ANGPTL2: variants seen among roughly 807,000 people sequenced by gnomAD.
ANGPTL2 encodes the protein angiopoietin-related protein 2.
In ANGPTL2, 25 loss-of-function variants were observed where a neutral mutation model predicts 52.8. The observed-to-expected ratio is 0.47, with a 90% confidence interval of 0.35 to 0.66. The LOEUF is 0.66. Ranked by LOEUF, ANGPTL2 falls within the 30% of genes least tolerant of loss-of-function variation. The pLI is 0.01. For missense variants in ANGPTL2, 546 were observed against 656.9 expected (o/e 0.83, Z 1.84); for synonymous variants, 276 against 277.4 (o/e 1.00, Z 0.05).
chr9:127,107,894 C>T, intron 2 of ANGPTL2, 21 bp downstream of exon 2: 3 of 1,517,328 alleles, frequency 2.0e-6, no homozygotes, highest in Non-Finnish European at 2.7e-6. Context: ...CCACATGTAA[C>T]ACGATCCCAG....
At chr9:127,112,296 G>A (rs1305156094) in intron 1 of ANGPTL2, among the ~76,000 whole-genome samples, 1 of 152,214 alleles carries the variant, frequency 6.6e-6, no homozygotes, top group Admixed American at 6.5e-5. Flanking sequence ...GGCTGCCCCT[G>A]TGCTAGTGGT....
At chr9:127,120,689 G>A (rs531195910) in intron 1 of ANGPTL2, among the ~76,000 whole-genome samples, 8 of 152,258 alleles carry the variant, frequency 5.3e-5, no homozygotes, top group South Asian at 4.2e-4. Context: ...TTAGCTGGGC[G>A]TGGTGGTGGG....
chr9:127,088,866 C>T lies in ANGPTL2; in HGVS notation c.*73G>A. The T allele has an allele frequency of 2.5e-6, 4 of 1,573,070 alleles. No individual in the cohort carries two copies. Among genetic ancestry groups the T allele is most frequent in the Non-Finnish European group, 3.5e-6 (4 of 1,145,210 alleles). ...CAGGATGAACTGGTGAGGAGTTGTT[C>T]TTTGTGCTGTGGCCAGCGTGACCAG... is the stretch of plus-strand genomic sequence containing the variant. On this transcript the variant is annotated 3_prime_UTR_variant, in exon 5 of 5. Coordinates refer to ENST00000373425, the MANE Select transcript of ANGPTL2 (RefSeq NM_012098.3).
chr9:127,088,721 T>A lies in ANGPTL2; in HGVS notation c.*218A>T. 1.7e-6 allele frequency: 1 copy of A among 597,462 alleles called. No individual in the cohort carries two copies. Among genetic ancestry groups the A allele is most frequent in the Non-Finnish European group, 3.0e-6 (1 of 335,544 alleles). The allele number at this position is 597,462 out of a possible 1,614,324, so 37.0% of individuals were successfully genotyped here. On this transcript the variant is annotated 3_prime_UTR_variant, in exon 5 of 5. Transcript: ENST00000373425. ...GTAGTCCTGTCCTGTCCTGGAGACATGAGGGGCTGTCTGGTGTGAAGGAAA... is the reference window on the plus strand; with the variant it reads ...GTAGTCCTGTCCTGTCCTGGAGACAAGAGGGGCTGTCTGGTGTGAAGGAAA...
Position 127,108,733 on chromosome 9 carries a change from G to T in ANGPTL2, c.-2C>A. 1 of 1,596,858 alleles carries T rather than the reference G, an allele frequency of 6.3e-7. No homozygotes were observed. The highest frequency in any genetic ancestry group is 1.3e-5 in the African/African-American group (1 of 74,602). On this transcript the variant is annotated 5_prime_UTR_variant, in exon 2 of 5. Transcript: ENST00000373425. ...GCATGTCACGCACAGTGGCCTCATG[G>T]TCCTTGCAAAATGGTGGTTATTCTT...
In ANGPTL2 at chr9:127,093,943, G is replaced by T. The variant is rs765056641; in HGVS notation, c.818-17C>A. Reference sequence around the variant, plus strand: ...TCCATGGGCCTGGGGACACAGACATGCATATACATCACAGACCTGCCTGTC... The same window carrying T: ...TCCATGGGCCTGGGGACACAGACATTCATATACATCACAGACCTGCCTGTC... On this transcript the variant is annotated splice_polypyrimidine_tract_variant and intron_variant, in intron 2 of 4. Coordinates refer to ENST00000373425, the MANE Select transcript of ANGPTL2 (RefSeq NM_012098.3). The T allele has an allele frequency of 1.3e-5, 21 of 1,611,754 alleles. No homozygotes were observed. In the South Asian group the frequency reaches 2.3e-4, roughly 18 times the overall value.
Position 127,108,580 on chromosome 9 carries a change from T to C in ANGPTL2, c.152A>G (p.Gln51Arg). The change falls in exon 2 of 5, where the codon CAG becomes CGG. Residue 51 changes from glutamine (Q) to arginine (R), a missense_variant. Transcript: ENST00000373425. The part of the protein sequence containing the change: ...LNRYKRAGES[Q>R]DKCTYTFIVP... ...AATGAAGGTGTAGGTGCACTTGTCC[T>C]GGGACTCGCCCGCCCGCTTGTACCT... is the stretch of plus-strand genomic sequence containing the variant. 6.2e-7 allele frequency: 1 copy of C among 1,613,596 alleles called. No individual in the cohort carries two copies. Among genetic ancestry groups the C allele is most frequent in the Non-Finnish European group, 8.5e-7 (1 of 1,179,864 alleles).
At chr9:127,092,621 C>T (rs145207094) in intron 3 of ANGPTL2, among the ~76,000 whole-genome samples, 18 of 152,198 alleles carry the variant, frequency 1.2e-4, no homozygotes, top group Non-Finnish European at 1.0e-4. Flanking sequence ...CATGTCAACT[C>T]GAAGAACTAA....
rs557773886 is a variant in ANGPTL2 at position 127,094,697 on chromosome 9, T to G, written c.818-771A>C. Among the ~76,000 whole-genome samples the G allele has an allele frequency of 3.3e-4, 50 of 152,332 alleles. 1 individual carries two copies. In the South Asian group the frequency reaches 0.01, roughly 31 times the overall value. On this transcript the variant is annotated intron_variant, in intron 2 of 4. Transcript: ENST00000373425. ...AGGAAGCTCAGTGAGGGCCAGATGC[T>G]TGGCACTCACGCATTCTGAGGTCCT... is the stretch of plus-strand genomic sequence containing the variant.
At position 127,122,154 on chromosome 9, in the gene ANGPTL2, G is replaced by A. The variant is rs1188899153; in HGVS notation, c.-50+161C>T. 4.6e-5 allele frequency among the ~76,000 whole-genome samples: 7 copies of A among 152,132 alleles called. No homozygotes were observed. The highest frequency in any genetic ancestry group is 4.6e-4 in the Admixed American group (7 of 15,288). On this transcript the variant is annotated intron_variant, in intron 1 of 4. Coordinates refer to ENST00000373425, the MANE Select transcript of ANGPTL2 (RefSeq NM_012098.3). The surrounding 1 kb of genome is among the most constrained non-coding windows in gnomAD (Gnocchi z 6.4). ...ACCAAATGTCCACAGGTTCTGCCCC[G>A]GACATGCCTCGTTTGGCTCCAAGCG... is the stretch of plus-strand genomic sequence containing the variant.
rs1212147687 is a variant in ANGPTL2 at position 127,088,946 on chromosome 9, A to G, written c.1475T>C (p.Phe492Ser). The G allele has an allele frequency of 1.2e-6, 2 of 1,613,942 alleles. No individual in the cohort carries two copies. Among genetic ancestry groups the G allele is most frequent in the Non-Finnish European group, 1.7e-6 (2 of 1,179,994 alleles). ...TCAGGAGGGGGAGCTGGCTTAGTGG[A>G]AGGTGTTGGGGTTCGGTCGGATCAT... The part of the protein sequence containing the change: ...VMMIRPNPNT[F>S]H Residue 492 changes from phenylalanine (F) to serine (S), a missense_variant, in exon 5 of 5, where the codon TTC becomes TCC. Around this residue, in one of 2 missense-constraint regions of ANGPTL2, gnomAD observed 261 missense variants for 361.0 expected, o/e 0.72. Coordinates refer to ENST00000373425, the MANE Select transcript of ANGPTL2 (RefSeq NM_012098.3).
At chr9:127,110,091 G>T (rs1427488959) in intron 1 of ANGPTL2, among the ~76,000 whole-genome samples, 1 of 152,026 alleles carries the variant, frequency 6.6e-6, no homozygotes, top group Non-Finnish European at 1.5e-5. Flanking sequence ...GCATTTCTCT[G>T]CTCCCCTTTT....
At chr9:127,104,812 G>T (rs2054061841) in intron 2 of ANGPTL2, among the ~76,000 whole-genome samples, 1 of 152,242 alleles carries the variant, frequency 6.6e-6, no homozygotes. Flanking sequence ...CCAAGGCTCG[G>T]ATGCAAAGGT....
chr9:127,115,487 G>A (rs2055307964), intron 1 of ANGPTL2, among the ~76,000 whole-genome samples: 1 of 152,172 alleles, frequency 6.6e-6, no homozygotes, highest in Admixed American at 6.5e-5. Context: ...CATTACCTAA[G>A]AGAAAGGTAT....
intron 1 of ANGPTL2, among the ~76,000 whole-genome samples, chr9:127,118,891 G>A (rs1163406366): frequency 6.6e-6 from 1 of 152,222 alleles, no homozygotes; most frequent in Non-Finnish European, 1.5e-5. Flanking sequence ...GCTACCCATT[G>A]CCATCTCCCT....
intron 1 of ANGPTL2, among the ~76,000 whole-genome samples, chr9:127,118,009 C>T (rs34748769): frequency 2.3e-3 from 349 of 152,310 alleles, no homozygotes; most frequent in Non-Finnish European, 3.4e-3. Flanking sequence ...AGAGAATGGA[C>T]TGACACAATA....
intron 2 of ANGPTL2, among the ~76,000 whole-genome samples, chr9:127,102,023 T>C (rs745650449): frequency 1.3e-5 from 2 of 152,106 alleles, no homozygotes; most frequent in Non-Finnish European, 2.9e-5. Context: ...TTTGACCAGA[T>C]TCATGCCAGG....
intron 1 of ANGPTL2, among the ~76,000 whole-genome samples, chr9:127,111,318 C>T (rs1210591311): frequency 1.3e-5 from 2 of 152,238 alleles, no homozygotes; most frequent in Non-Finnish European, 2.9e-5. Context: ...CCTCCAGTGT[C>T]CTTATCACCA....
chr9:127,095,242 C>A (rs2052982103), intron 2 of ANGPTL2, among the ~76,000 whole-genome samples: 1 of 152,106 alleles, frequency 6.6e-6, no homozygotes, highest in Non-Finnish European at 1.5e-5. Flanking sequence ...ACTAAAAATA[C>A]AAAAAATTAG....
Sources: gnomAD v4.1 joint callset for allele counts (sites outside exome capture counted in the v4.1 genomes callset) on GRCh38, gnomAD v4.1.1 for gene constraint, gnomAD v4.1.1 regional missense constraint, Gnocchi (gnomAD v3.1) non-coding constraint, MANE v1.5 for transcripts, NCBI Gene and HGNC (gene_info 2026-07-23, HGNC 2026-07-21) for gene names.